The following SETBP1 variants were observed in gnomAD, a reference collection of about 807,000 sequenced individuals.
The protein encoded by SETBP1 is SET-binding protein.
Under a neutral mutation model 101.0 loss-of-function variants are expected in SETBP1, and 9 were observed. The ratio of observed to expected loss-of-function variants is 0.09; its 90% CI spans 0.05 to 0.16. The LOEUF (loss-of-function observed/expected upper bound fraction) is 0.16. SETBP1 is among the 10% of genes least tolerant of loss of function. SETBP1 has a pLI of 1.00. For missense variants in SETBP1, 1,858 were observed against 2,033.8 expected (o/e 0.91, Z 1.66); for synonymous variants, 818 against 788.5 (o/e 1.04, Z -0.63).
intron 1 of SETBP1, among the ~76,000 whole-genome samples, chr18:44,688,098 G>A (rs948356714): frequency 2.6e-5 from 4 of 152,208 alleles, no homozygotes; most frequent in African/African-American, 9.7e-5. Context: ...GGATATTTAG[G>A]AAGAGGAAGC....
At chr18:44,817,510 C>T (rs1324026225) in intron 2 of SETBP1, among the ~76,000 whole-genome samples, 3 of 151,916 alleles carry the variant, frequency 2.0e-5, no homozygotes, top group African/African-American at 4.8e-5. Flanking sequence ...ACAGTGAAAC[C>T]CCATCTCTAC....
At chr18:44,682,076 T>C (rs2068768794) in intron 1 of SETBP1, among the ~76,000 whole-genome samples, 1 of 152,210 alleles carries the variant, frequency 6.6e-6, no homozygotes, top group Admixed American at 6.5e-5. Flanking sequence ...TCACTCTTCA[T>C]CCTGTTTTTC....
intron 2 of SETBP1, among the ~76,000 whole-genome samples, chr18:44,851,439 G>T (rs1246568256): frequency 6.6e-6 from 1 of 152,146 alleles, no homozygotes; most frequent in African/African-American, 2.4e-5. Context: ...TACCAGAAGT[G>T]GTGGTCAAAA....
intron 2 of SETBP1, among the ~76,000 whole-genome samples, chr18:44,814,865 G>A (rs2071942847): frequency 6.6e-6 from 1 of 152,244 alleles, no homozygotes; most frequent in South Asian, 2.1e-4. Context: ...ATATCGTAAG[G>A]ACAGGTGTGT....
chr18:44,772,415 C>T (rs1023447821), intron 2 of SETBP1, among the ~76,000 whole-genome samples: 5 of 152,172 alleles, frequency 3.3e-5, no homozygotes, highest in Admixed American at 1.3e-4. Flanking sequence ...GGCTGGAGAA[C>T]GCATCCCCTC....
intron 5 of SETBP1, among the ~76,000 whole-genome samples, chr18:45,044,586 G>A (rs2073571904): frequency 6.6e-6 from 1 of 152,114 alleles, no homozygotes; most frequent in Non-Finnish European, 1.5e-5. Context: ...GAACCTCCTA[G>A]AGCAGCTGAG....
chr18:44,963,633 A>G (rs2071658647), intron 4 of SETBP1, among the ~76,000 whole-genome samples: 1 of 152,114 alleles, frequency 6.6e-6, no homozygotes, highest in Non-Finnish European at 1.5e-5. Context: ...TCACACCTGT[A>G]ATCCCAGCAC....
chr18:44,841,128 T>C (rs1489462211), intron 2 of SETBP1, among the ~76,000 whole-genome samples: 1 of 152,212 alleles, frequency 6.6e-6, no homozygotes, highest in African/African-American at 2.4e-5. Flanking sequence ...CCTAGCTAGG[T>C]CATTCCGGCT....
intron 4 of SETBP1, among the ~76,000 whole-genome samples, chr18:44,979,855 G>A (rs1028007406): frequency 1.3e-5 from 2 of 152,184 alleles, no homozygotes; most frequent in South Asian, 4.1e-4. Context: ...GACTGTCTTG[G>A]TTCTTCATTC....
chr18:44,951,774 A>C lies in SETBP1; in HGVS notation c.2434A>C (p.Ser812Arg), dbSNP rs1325614799. 1.2e-6 allele frequency: 2 copies of C among 1,614,136 alleles called. No homozygotes were observed. Among genetic ancestry groups the C allele is most frequent in the Non-Finnish European group, 1.7e-6 (2 of 1,180,036 alleles). ...AACTATGCCAAATCTCCAGCCCATC[A>C]GTGCTCTTCCAACCAAAACCCAAAA... is the stretch of plus-strand genomic sequence containing the variant. The part of the protein sequence containing the change: ...LKTMPNLQPI[S>R]ALPTKTQKGI... Residue 812 changes from serine to arginine, a missense_variant, in exon 4 of 6, where the codon AGT (serine) becomes CGT (arginine). Around this residue, in one of 12 missense-constraint regions of SETBP1, gnomAD observed 121 missense variants for 138.0 expected, o/e 0.88. Coordinates refer to ENST00000649279, the MANE Select transcript of SETBP1 (RefSeq NM_015559.3). This position sits in a 1 kb window ranked among gnomAD's most constrained non-coding sequence, Gnocchi z 7.8.
At chr18:44,948,568 A>T (rs1392528706) in intron 3 of SETBP1, among the ~76,000 whole-genome samples, 1 of 151,790 alleles carries the variant, frequency 6.6e-6, no homozygotes, top group Non-Finnish European at 1.5e-5. Flanking sequence ...TTCTAAATTC[A>T]TGAAGCCAGT....
chr18:44,980,558 G>A (rs560664573), intron 4 of SETBP1, among the ~76,000 whole-genome samples: 5 of 151,956 alleles, frequency 3.3e-5, no homozygotes, highest in South Asian at 2.1e-4. Context: ...GAATAGCCCC[G>A]ACCTCCCGTG....
At chr18:44,785,816 A>G (rs984618408) in intron 2 of SETBP1, among the ~76,000 whole-genome samples, 9 of 152,184 alleles carry the variant, frequency 5.9e-5, no homozygotes, top group Non-Finnish European at 4.4e-5. Flanking sequence ...ATATGTTGCC[A>G]CTTTGCGATT....
chr18:44,942,529 A>G (rs1407918120), intron 3 of SETBP1, among the ~76,000 whole-genome samples: 1 of 152,164 alleles, frequency 6.6e-6, no homozygotes, highest in Non-Finnish European at 1.5e-5. Flanking sequence ...AGTCACAGCT[A>G]TCTGGGCTTT....
intron 2 of SETBP1, among the ~76,000 whole-genome samples, chr18:44,830,681 T>C (rs555322361): frequency 6.6e-6 from 1 of 152,242 alleles, no homozygotes; most frequent in Non-Finnish European, 1.5e-5. Context: ...GATACTGTTC[T>C]GCTTCCTTGG....
chr18:44,703,109 T>C (rs962349417), intron 2 of SETBP1, among the ~76,000 whole-genome samples: 1 of 152,182 alleles, frequency 6.6e-6, no homozygotes, highest in Non-Finnish European at 1.5e-5. Flanking sequence ...CTTGGTATAG[T>C]AAGTTTTTGT....
chr18:44,884,559 T>C (rs1164865977), intron 3 of SETBP1, among the ~76,000 whole-genome samples: 1 of 152,164 alleles, frequency 6.6e-6, no homozygotes, highest in African/African-American at 2.4e-5. Flanking sequence ...TCCAGAACTT[T>C]TGTAAACTGA....
At chr18:44,782,382 A>G (rs2071149852) in intron 2 of SETBP1, among the ~76,000 whole-genome samples, 1 of 152,012 alleles carries the variant, frequency 6.6e-6, no homozygotes, top group African/African-American at 2.4e-5. Flanking sequence ...GGGGAAAAAT[A>G]TAGACTTTTG....
intron 1 of SETBP1, among the ~76,000 whole-genome samples, chr18:44,698,066 C>CT (rs750174973): frequency 6.6e-4 from 101 of 152,278 alleles, no homozygotes; most frequent in Non-Finnish European, 1.2e-3. Context: ...TTGCTTTGGT[C>CT]TTTTAAGGCG....
Sources: gnomAD v4.1 joint callset for allele counts (sites outside exome capture counted in the v4.1 genomes callset) on GRCh38, gnomAD v4.1.1 for gene constraint, gnomAD v4.1.1 regional missense constraint, Gnocchi (gnomAD v3.1) non-coding constraint, MANE v1.5 for transcripts, NCBI Gene and HGNC (gene_info 2026-07-23, HGNC 2026-07-21) for gene names.